SLFN12: variants seen among roughly 807,000 people sequenced by gnomAD.
SLFN12 encodes the protein ribonuclease SLFN12.
Under a neutral mutation model 29.1 loss-of-function variants are expected in SLFN12, and 25 were observed. The observed-to-expected ratio is 0.86, with a 90% CI of 0.63 to 1.20. The LOEUF (loss-of-function observed/expected upper bound fraction) is 1.20, where lower values mean the gene tolerates loss of function less well. SLFN12 is among the 50% of genes most tolerant of loss of function. SLFN12 has a pLI of 0.00. For synonymous variants in SLFN12, 257 were observed against 238.7 expected (o/e 1.08, Z -0.71); for missense variants, 660 against 666.2 (o/e 0.99, Z 0.10).
At position 35,420,347 on chromosome 17, in the gene SLFN12, T is replaced by A; in HGVS notation, c.1074A>T (p.Gln358His). 1 of 1,613,832 alleles carries A rather than the reference T, an allele frequency of 6.2e-7. No individual in the cohort carries two copies. Among genetic ancestry groups the A allele is most frequent in the Non-Finnish European group, 8.5e-7 (1 of 1,179,816 alleles). Residue 358 changes from glutamine to histidine, a missense_variant, in exon 3 of 4, where the codon CAA becomes CAT. Coordinates refer to ENST00000304905, the MANE Select transcript of SLFN12 (RefSeq NM_018042.5). ...GGGGAGCAGGTAATGACGTATTTATTTGAGAGATCACCTCTTCATATGAAC... is the reference window on the plus strand; with the variant it reads ...GGGGAGCAGGTAATGACGTATTTATATGAGAGATCACCTCTTCATATGAAC... ...FSSSYEEVIS[Q>H]INTSLPAPHS...
rs1291723969 is a variant in SLFN12, at chr17:35,411,102, C to CAGACAGAGTAAATAAT, written c.*220_*235dup. On this transcript the variant is annotated 3_prime_UTR_variant, in exon 4 of 4. Transcript: ENST00000304905. ...TGGAAGAAAATTTATTCAGGAACTACAGACAGAGTAAATAATACTGTGCAC... is the reference window on the plus strand; with the variant it reads ...TGGAAGAAAATTTATTCAGGAACTACAGACAGAGTAAATAATAGACAGAGTAAATAATACTGTGCAC... 1 of 296,142 alleles carries CAGACAGAGTAAATAAT rather than the reference C, an allele frequency of 3.4e-6. No homozygotes were observed. Among genetic ancestry groups the CAGACAGAGTAAATAAT allele is most frequent in the East Asian group, 6.1e-5 (1 of 16,440 alleles). The allele number at this position is 296,142 out of a possible 1,614,324, so 18.3% of individuals were successfully genotyped here. A position where few individuals can be genotyped will look rare whatever the true frequency, so the allele number is the denominator to read the frequency against.
At chr17:35,429,954 A>G (rs1189655510) in intron 1 of SLFN12, among the ~76,000 whole-genome samples, 1 of 151,822 alleles carries the variant, frequency 6.6e-6, no homozygotes, top group Non-Finnish European at 1.5e-5. Context: ...CTGGACACCC[A>G]CCAAGCCTGG....
intron 3 of SLFN12, among the ~76,000 whole-genome samples, chr17:35,414,657 G>T (rs1037983752): frequency 6.6e-5 from 10 of 152,116 alleles, no homozygotes; most frequent in African/African-American, 2.2e-4. Flanking sequence ...TTTGATAAAT[G>T]AATTCCATTA....
intron 3 of SLFN12, among the ~76,000 whole-genome samples, chr17:35,412,235 G>A (rs949215433): frequency 2.4e-4 from 37 of 152,016 alleles, no homozygotes; most frequent in African/African-American, 8.5e-4. Context: ...AGTCTTATTA[G>A]GCTGAGGAAA....
chr17:35,413,664 G>A (rs373503564), intron 3 of SLFN12, among the ~76,000 whole-genome samples: 5 of 151,156 alleles, frequency 3.3e-5, no homozygotes, highest in East Asian at 3.9e-4. Context: ...TAAGAGAATC[G>A]CTTGAACCCG....
chr17:35,414,676 G>T (rs1911218033), intron 3 of SLFN12, among the ~76,000 whole-genome samples: 1 of 151,946 alleles, frequency 6.6e-6, no homozygotes, highest in South Asian at 2.1e-4. Context: ...TAAGTTTCAG[G>T]ATACAAAACC....
rs747000785 is a variant in SLFN12, at chr17:35,422,823, C to A, written c.206G>T (p.Ser69Ile). 3 of 1,613,758 alleles carry A rather than the reference C, an allele frequency of 1.9e-6. No homozygotes were observed. The African/African-American group carries it at 4.0e-5, about 22-fold the overall frequency. The change falls in exon 2 of 4, where the codon AGT becomes ATT. Residue 69 changes from serine to isoleucine, a missense_variant. Transcript: ENST00000304905. ...TAGTCCTATTCCATCTTTTGTATAA[C>A]TATAGTCTTCATTCTCAATTTCAGC... is the stretch of plus-strand genomic sequence containing the variant. Reference protein sequence around the residue: ...IKAEIENEDYSYTKDGIGLDL... With the variant: ...IKAEIENEDYIYTKDGIGLDL...
rs1296581426 is a variant in SLFN12 at position 35,422,901 on chromosome 17, C to G, written c.128G>C (p.Ser43Thr). ...CAGAGCACACATAGCTCGTGAGACA[C>G]TTTCATTCTGCTTTTTTCTCAGTTT... ...DCKLRKKQNE[S>T]VSRAMCALLN... Residue 43 changes from serine (S) to threonine (T), a missense_variant, in exon 2 of 4, where the codon AGT becomes ACT. Ser to Thr is a moderately conservative substitution (Grantham distance 58). Coordinates refer to ENST00000304905, the MANE Select transcript of SLFN12 (RefSeq NM_018042.5). The G allele has an allele frequency of 6.2e-7, 1 of 1,613,954 alleles. No homozygotes were observed.
rs754518707 is a variant in SLFN12 at position 35,411,395 on chromosome 17, T to C, written c.1680A>G (p.Ile560Met). The C allele has an allele frequency of 4.4e-6, 7 of 1,598,070 alleles. No homozygotes were observed. The highest frequency in any genetic ancestry group is 6.0e-6 in the Non-Finnish European group (7 of 1,174,146). Residue 560 changes from isoleucine (I) to methionine (M), a missense_variant, in exon 4 of 4, where the codon ATA becomes ATG. Ile to Met is a conservative substitution (Grantham distance 10). Transcript: ENST00000304905. Reference protein sequence around the residue: ...FAENLYQIIGIDCFQKNDKKM... With the variant: ...FAENLYQIIGMDCFQKNDKKM... ...TTTTATCATTCTTCTGAAAGCAATCTATACCGATTATCTGGTATAGATTTT... is the reference window on the plus strand; with the variant it reads ...TTTTATCATTCTTCTGAAAGCAATCCATACCGATTATCTGGTATAGATTTT...
intron 3 of SLFN12, among the ~76,000 whole-genome samples, chr17:35,416,881 T>TG (rs1911350315): frequency 6.6e-6 from 1 of 152,100 alleles, no homozygotes; most frequent in Non-Finnish European, 1.5e-5. Context: ...ATCACACCGC[T>TG]ACACTTCAGC....
chr17:35,419,154 T>C (rs1041779960), intron 3 of SLFN12, among the ~76,000 whole-genome samples: 2 of 152,090 alleles, frequency 1.3e-5, no homozygotes, highest in Admixed American at 6.5e-5. Context: ...TGCAAAACTT[T>C]AAAATTTTTA....
In SLFN12 at chr17:35,422,951, G is replaced by C; in HGVS notation, c.78C>G (p.Asn26Lys). The C allele has an allele frequency of 1.2e-6, 2 of 1,613,414 alleles. No individual in the cohort carries two copies. The highest frequency in any genetic ancestry group is 1.7e-6 in the Non-Finnish European group (2 of 1,179,922). Residue 26 changes from asparagine (N) to lysine (K), a missense_variant, in exon 2 of 4, where the codon AAC becomes AAG. Asn to Lys is a moderately conservative substitution (Grantham distance 94). Coordinates refer to ENST00000304905, the MANE Select transcript of SLFN12 (RefSeq NM_018042.5). ...LDVGRVTLGE[N>K]SRKKMKDCKL... ...TACAATCCTTCATTTTTTTCCTACTGTTCTCTCCAAGAGTGACTCTTCCCA... is the reference window on the plus strand; with the variant it reads ...TACAATCCTTCATTTTTTTCCTACTCTTCTCTCCAAGAGTGACTCTTCCCA...
chr17:35,411,266 T>C lies in SLFN12; in HGVS notation c.*72A>G, dbSNP rs1433482103. The C allele has an allele frequency of 8.5e-7, 1 of 1,182,756 alleles. No individual in the cohort carries two copies. Among genetic ancestry groups the C allele is most frequent in the East Asian group, 2.4e-5 (1 of 41,056 alleles). The allele number at this position is 1,182,756 out of a possible 1,614,324, so 73.3% of individuals were successfully genotyped here. ...TTAACTTGCAAAGTTTTCAAAGAAA[T>C]ATTTTCACAGAATTAGAGAATGTTA... On this transcript the variant is annotated 3_prime_UTR_variant, in exon 4 of 4. Transcript: ENST00000304905.
In SLFN12 at chr17:35,422,858, T is replaced by A; in HGVS notation, c.171A>T (p.Gly57=). 1.2e-6 allele frequency: 2 copies of A among 1,613,888 alleles called. No individual in the cohort carries two copies. The highest frequency in any genetic ancestry group is 1.7e-6 in the Non-Finnish European group (2 of 1,179,894). The change falls in exon 2 of 4, where the codon GGA becomes GGT. Residue 57 remains glycine (G), a synonymous_variant. Coordinates refer to ENST00000304905, the MANE Select transcript of SLFN12 (RefSeq NM_018042.5). ...AMCALLNSGG[G]VIKAEIENED... ...CATTCTCAATTTCAGCCTTGATCAC[T>A]CCCCCTCCAGAATTGAGCAGAGCAC... is the stretch of plus-strand genomic sequence containing the variant.
At chr17:35,432,533 C>T (rs1912381565), upstream of SLFN12, 1 of 152,120 alleles carries the variant, frequency 6.6e-6, no homozygotes, top group Non-Finnish European at 1.5e-5. Context: ...AAGTTATGCC[C>T]TATGAAAACA....
chr17:35,416,353 A>G (rs780881126), intron 3 of SLFN12, among the ~76,000 whole-genome samples: 4 of 152,026 alleles, frequency 2.6e-5, no homozygotes, highest in Non-Finnish European at 4.4e-5. Flanking sequence ...ACTCAAGGGG[A>G]AGGGTGGAAG....
In SLFN12 at chr17:35,431,525, G is replaced by A. The variant is rs545621105; in HGVS notation, c.-41+663C>T. ...ACTAGGCCTAAGAACCTCTACCAAA[G>A]GAACCCCCTTGGAGAGGCTGAGGTC... On this transcript the variant is annotated intron_variant, in intron 1 of 3. Transcript: ENST00000304905. Among the ~76,000 whole-genome samples the A allele has an allele frequency of 2.6e-5, 4 of 152,204 alleles. No homozygotes were observed. The South Asian group carries it at 8.3e-4, about 32-fold the overall frequency.
intron 3 of SLFN12, among the ~76,000 whole-genome samples, chr17:35,413,510 G>C (rs1216461071): frequency 6.6e-6 from 1 of 152,042 alleles, no homozygotes; most frequent in Non-Finnish European, 1.5e-5. Context: ...CACTTTGGGA[G>C]GCCAAGGCAG....
intron 1 of SLFN12, among the ~76,000 whole-genome samples, chr17:35,426,431 A>C (rs997656): frequency 0.14 from 21,898 of 152,026 alleles, 2,322 homozygotes; most frequent in African/African-American, 0.28. Flanking sequence ...AATTTCAGCT[A>C]TTACATCTAA....
Sources: allele counts gnomAD v4.1 joint callset (sites outside exome capture counted in the v4.1 genomes callset), GRCh38; gene constraint gnomAD v4.1.1; transcripts MANE v1.5; gene names NCBI Gene and HGNC (gene_info 2026-07-23, HGNC 2026-07-21).